The following UBE2E2 variants were observed in gnomAD, a reference collection of about 807,000 sequenced individuals.
UBE2E2 encodes ubiquitin conjugating enzyme E2 E2.
A neutral mutation model predicts 24.7 loss-of-function variants in UBE2E2; 6 were observed. The observed-to-expected ratio is 0.24, with a 90% CI of 0.13 to 0.48. The LOEUF (loss-of-function observed/expected upper bound fraction) is 0.48, where lower values mean the gene tolerates loss of function less well. UBE2E2 is among the 20% of genes least tolerant of loss of function. The pLI is 0.99. For missense variants in UBE2E2, 169 were observed against 245.0 expected, an observed-to-expected ratio of 0.69 and a Z score of 2.07; for synonymous variants, 104 against 83.6, an observed-to-expected ratio of 1.24 and a Z score of -1.33.
intron 3 of UBE2E2, among the ~76,000 whole-genome samples, chr3:23,292,828 CT>C (rs1192905775): frequency 5.9e-5 from 9 of 152,146 alleles, no homozygotes; most frequent in Non-Finnish European, 1.5e-5. Context: ...AATCCCAGCA[CT>C]TTGGGAGGCT....
intron 3 of UBE2E2, among the ~76,000 whole-genome samples, chr3:23,466,789 G>A (rs1454241872): frequency 2.0e-5 from 3 of 151,794 alleles, no homozygotes; most frequent in Non-Finnish European, 4.4e-5. Flanking sequence ...GGCTGGTCTC[G>A]AACCCCTGAC....
intron 3 of UBE2E2, among the ~76,000 whole-genome samples, chr3:23,279,230 C>T (rs1231534676): frequency 6.6e-6 from 1 of 151,930 alleles, no homozygotes; most frequent in African/African-American, 2.4e-5. Context: ...GACTGCTTAC[C>T]CTGCTTTCTT....
At chr3:23,332,078 T>C (rs1261173950) in intron 3 of UBE2E2, among the ~76,000 whole-genome samples, 1 of 152,220 alleles carries the variant, frequency 6.6e-6, no homozygotes, top group Non-Finnish European at 1.5e-5. Flanking sequence ...AAAGGAATAT[T>C]GTGGAATAAT....
chr3:23,457,918 G>T (rs1193091410), intron 3 of UBE2E2, among the ~76,000 whole-genome samples: 2 of 149,704 alleles, frequency 1.3e-5, no homozygotes, highest in South Asian at 4.2e-4. Flanking sequence ...GATGTGGCTG[G>T]TTTGATCTAT....
intron 3 of UBE2E2, among the ~76,000 whole-genome samples, chr3:23,306,551 CAA>C (rs1226754011): frequency 7.2e-5 from 11 of 152,142 alleles, no homozygotes; most frequent in South Asian, 2.1e-4. Context: ...CCAATCAAAA[CAA>C]AGAGGTAAAT....
intron 3 of UBE2E2, among the ~76,000 whole-genome samples, chr3:23,299,146 A>G (rs2125259145): frequency 6.6e-6 from 1 of 151,942 alleles, no homozygotes; most frequent in Non-Finnish European, 1.5e-5. Context: ...CCCCGTTATC[A>G]TTTTTTATTG....
intron 3 of UBE2E2, among the ~76,000 whole-genome samples, chr3:23,419,715 G>A (rs1697747709): frequency 6.6e-6 from 1 of 152,118 alleles, no homozygotes; most frequent in Admixed American, 6.5e-5. Context: ...TGGCCTTTGT[G>A]TCTCGTATAC....
chr3:23,552,390 A>G (rs1695666225), intron 5 of UBE2E2, among the ~76,000 whole-genome samples: 1 of 152,220 alleles, frequency 6.6e-6, no homozygotes, highest in Non-Finnish European at 1.5e-5. Flanking sequence ...CAATAAAAAT[A>G]TTCTGCATCA....
intron 3 of UBE2E2, among the ~76,000 whole-genome samples, chr3:23,458,930 G>A (rs1338827497): frequency 6.6e-6 from 1 of 152,122 alleles, no homozygotes; most frequent in African/African-American, 2.4e-5. Context: ...AATAAAACAC[G>A]GCATGCCTGT....
At chr3:23,445,763 C>T (rs1698414883) in intron 3 of UBE2E2, among the ~76,000 whole-genome samples, 2 of 152,168 alleles carry the variant, frequency 1.3e-5, no homozygotes, top group Non-Finnish European at 2.9e-5. Flanking sequence ...GGTTGTTTCT[C>T]TGCCCGTCTT....
At chr3:23,563,325 G>A (rs1695982388) in intron 5 of UBE2E2, among the ~76,000 whole-genome samples, 1 of 152,078 alleles carries the variant, frequency 6.6e-6, no homozygotes, top group Non-Finnish European at 1.5e-5. Flanking sequence ...ATTTTGTTAT[G>A]TACCCAGTAG....
chr3:23,266,473 C>A (rs4524226), intron 3 of UBE2E2, among the ~76,000 whole-genome samples: 127,765 of 151,956 alleles, frequency 0.84, 53,826 homozygotes, highest in African/African-American at 0.9. Flanking sequence ...ATTGGCCCCC[C>A]CTCTCTTCTG....
At chr3:23,475,080 C>G (rs1184016940) in intron 3 of UBE2E2, among the ~76,000 whole-genome samples, 1 of 152,018 alleles carries the variant, frequency 6.6e-6, no homozygotes, top group Non-Finnish European at 1.5e-5. Flanking sequence ...TCGAAGTGCT[C>G]CTTCTCTCAG....
chr3:23,541,935 G>T (rs1695404558), intron 5 of UBE2E2, among the ~76,000 whole-genome samples: 1 of 152,120 alleles, frequency 6.6e-6, no homozygotes, highest in Admixed American at 6.5e-5. Flanking sequence ...AGACTGGCTG[G>T]CTCCTGTGAT....
chr3:23,503,661 C>G (rs572250901), intron 4 of UBE2E2, among the ~76,000 whole-genome samples: 1 of 151,894 alleles, frequency 6.6e-6, no homozygotes, highest in East Asian at 2.0e-4. Context: ...CGAGACCAGC[C>G]TGGCCAACAT....
intron 5 of UBE2E2, among the ~76,000 whole-genome samples, chr3:23,548,275 C>T (rs1695568413): frequency 6.6e-6 from 1 of 152,206 alleles, no homozygotes; most frequent in Admixed American, 6.5e-5. Flanking sequence ...TTTCTTACTC[C>T]TTTTACACAT....
At chr3:23,270,223 T>G (rs1009730323) in intron 3 of UBE2E2, among the ~76,000 whole-genome samples, 1 of 147,782 alleles carries the variant, frequency 6.8e-6, no homozygotes, top group East Asian at 2.1e-4. Context: ...GCTCTCCCTG[T>G]CACAAGATGT....
At chr3:23,214,406 G>A (rs1478340084) in intron 2 of UBE2E2, among the ~76,000 whole-genome samples, 12 of 151,516 alleles carry the variant, frequency 7.9e-5, no homozygotes, top group Admixed American at 2.6e-4. Context: ...AGCACACACC[G>A]CTATGACCAA....
intron 3 of UBE2E2, among the ~76,000 whole-genome samples, chr3:23,306,605 G>T (rs1246746950): frequency 6.6e-6 from 1 of 152,076 alleles, no homozygotes; most frequent in Admixed American, 6.6e-5. Flanking sequence ...TGCAAATGTC[G>T]ATATTGCTTA....
Sources: allele counts gnomAD v4.1 joint callset (sites outside exome capture counted in the v4.1 genomes callset), GRCh38; gene constraint gnomAD v4.1.1; transcripts MANE v1.5; gene names NCBI Gene and HGNC (gene_info 2026-07-23, HGNC 2026-07-21).